CADM2: variants seen among roughly 807,000 people sequenced by gnomAD.
CADM2 encodes cell adhesion molecule 2, also known as immunoglobulin superfamily member 4D.
In CADM2, 12 loss-of-function variants were observed where a neutral mutation model predicts 49.8. The ratio of observed to expected loss-of-function variants is 0.24; its 90% CI spans 0.15 to 0.39. The LOEUF (loss-of-function observed/expected upper bound fraction) is 0.39. Ranked by LOEUF, CADM2 falls within the 10% of genes least tolerant of loss-of-function variation. CADM2 has a pLI of 1.00. For synonymous variants in CADM2, 214 were observed against 175.4 expected (o/e 1.22, Z -1.74); for missense variants, 378 against 492.3 (o/e 0.77, Z 2.20).
At chr3:85,400,022 G>A (rs970194416) in intron 1 of CADM2, among the ~76,000 whole-genome samples, 1 of 152,096 alleles carries the variant, frequency 6.6e-6, no homozygotes, top group Non-Finnish European at 1.5e-5. Flanking sequence ...TCCCTGTCTT[G>A]TGCCAGTTTT....
chr3:85,428,977 T>C (rs2036547982), intron 1 of CADM2, among the ~76,000 whole-genome samples: 1 of 151,970 alleles, frequency 6.6e-6, no homozygotes, highest in African/African-American at 2.4e-5. Context: ...ATACTTTAAA[T>C]ATAGACTTGG....
At chr3:85,728,169 T>C (rs1253944458) in intron 2 of CADM2, among the ~76,000 whole-genome samples, 1 of 152,168 alleles carries the variant, frequency 6.6e-6, no homozygotes, top group African/African-American at 2.4e-5. Flanking sequence ...ATATTACAGG[T>C]ATCTGTCAAG....
intron 7 of CADM2, among the ~76,000 whole-genome samples, chr3:85,961,064 T>C (rs969271908): frequency 6.8e-5 from 10 of 147,294 alleles, no homozygotes; most frequent in Middle Eastern, 3.6e-3. Flanking sequence ...AAATTATATA[T>C]TTATATATAA....
At chr3:85,836,144 C>T (rs1055828589) in intron 3 of CADM2, among the ~76,000 whole-genome samples, 2 of 151,502 alleles carry the variant, frequency 1.3e-5, no homozygotes, top group African/African-American at 2.4e-5. Context: ...TAGCATCTGA[C>T]CTTTTATCAT....
chr3:85,382,550 A>G (rs1188728986), intron 1 of CADM2, among the ~76,000 whole-genome samples: 6 of 152,180 alleles, frequency 3.9e-5, no homozygotes, highest in Non-Finnish European at 8.8e-5. Flanking sequence ...GCCAAACAAA[A>G]CAAGTTATTT....
chr3:85,745,620 C>T (rs906745517), intron 2 of CADM2, among the ~76,000 whole-genome samples: 4 of 152,092 alleles, frequency 2.6e-5, no homozygotes, highest in Admixed American at 2.6e-4. Flanking sequence ...AATCCCAACA[C>T]TTTGGGAGGT....
chr3:85,133,629 G>C (rs917852417), intron 1 of CADM2, among the ~76,000 whole-genome samples: 2 of 147,702 alleles, frequency 1.4e-5, no homozygotes, highest in African/African-American at 5.0e-5. Flanking sequence ...GCTAGATACA[G>C]AGTGTCGATT....
At chr3:85,381,627 A>G (rs2033915948) in intron 1 of CADM2, among the ~76,000 whole-genome samples, 1 of 151,354 alleles carries the variant, frequency 6.6e-6, no homozygotes, top group Admixed American at 6.6e-5. Context: ...GCATTTTGCC[A>G]AAAGTTTTCT....
At chr3:85,260,862 G>A (rs1301410814) in intron 1 of CADM2, among the ~76,000 whole-genome samples, 1 of 152,096 alleles carries the variant, frequency 6.6e-6, no homozygotes. Flanking sequence ...CTCCACGATT[G>A]TGGAACAGAG....
At chr3:86,047,608 C>T (rs908673141) in intron 8 of CADM2, among the ~76,000 whole-genome samples, 3 of 152,132 alleles carry the variant, frequency 2.0e-5, no homozygotes, top group Non-Finnish European at 4.4e-5. Context: ...GCTTAGTTAA[C>T]GTGTGTAAGA....
chr3:85,570,194 T>C (rs2062434548), intron 1 of CADM2, among the ~76,000 whole-genome samples: 1 of 152,170 alleles, frequency 6.6e-6, no homozygotes, highest in South Asian at 2.1e-4. Flanking sequence ...CATATATTTA[T>C]TTAGAAATCT....
intron 1 of CADM2, among the ~76,000 whole-genome samples, chr3:85,598,855 G>A (rs199930511): frequency 2.6e-3 from 119 of 46,252 alleles, no homozygotes; most frequent in Non-Finnish European, 6.1e-3. Flanking sequence ...GTGTGTGTGT[G>A]TATATATATA....
At chr3:85,203,053 G>A (rs911864003) in intron 1 of CADM2, among the ~76,000 whole-genome samples, 16 of 152,070 alleles carry the variant, frequency 1.1e-4, no homozygotes, top group African/African-American at 2.9e-4. Flanking sequence ...ATTAGGTTTC[G>A]GCTAAGGGAA....
chr3:85,387,501 A>G (rs2034295403), intron 1 of CADM2, among the ~76,000 whole-genome samples: 1 of 152,154 alleles, frequency 6.6e-6, no homozygotes, highest in African/African-American at 2.4e-5. Flanking sequence ...TGATGTAGAT[A>G]GGTCTTTTTT....
At chr3:85,128,127 T>G (rs1297882104) in intron 1 of CADM2, among the ~76,000 whole-genome samples, 1 of 152,148 alleles carries the variant, frequency 6.6e-6, no homozygotes, top group Non-Finnish European at 1.5e-5. Context: ...TGAGAAATAA[T>G]GCAACTGACT....
At chr3:85,180,514 G>GAAAA (rs58932967) in intron 1 of CADM2, among the ~76,000 whole-genome samples, 55 of 77,282 alleles carry the variant, frequency 7.1e-4, no homozygotes, top group East Asian at 1.2e-3. Flanking sequence ...GTCTCAAAAA[G>GAAAA]AAAAAAAAAA....
intron 1 of CADM2, among the ~76,000 whole-genome samples, chr3:85,534,257 C>A (rs769726078): frequency 6.6e-6 from 1 of 152,084 alleles, no homozygotes; most frequent in Non-Finnish European, 1.5e-5. Flanking sequence ...TCATATGAAA[C>A]CATCTAAGAC....
At chr3:85,498,461 G>A (rs2039991855) in intron 1 of CADM2, among the ~76,000 whole-genome samples, 2 of 152,102 alleles carry the variant, frequency 1.3e-5, no homozygotes, top group South Asian at 4.1e-4. Context: ...AACATCTATA[G>A]TGAATGATGA....
intron 6 of CADM2, among the ~76,000 whole-genome samples, chr3:85,922,808 T>C (rs987252955): frequency 1.3e-5 from 2 of 149,956 alleles, no homozygotes; most frequent in African/African-American, 4.9e-5. Flanking sequence ...AAAATAAAAC[T>C]AAAATATATA....
Sources: allele counts gnomAD v4.1 joint callset (sites outside exome capture counted in the v4.1 genomes callset), GRCh38; gene constraint gnomAD v4.1.1; transcripts MANE v1.5; gene names NCBI Gene and HGNC (gene_info 2026-07-23, HGNC 2026-07-21).